Variants in RBFOX1 observed in about 807,000 individuals in gnomAD.
The protein encoded by RBFOX1 is RNA binding fox-1 homolog 1, also known as RNA binding protein fox-1 homolog 1.
In RBFOX1, 8 loss-of-function variants were observed where a neutral mutation model predicts 57.7. The observed-to-expected ratio is 0.14, with a 90% CI of 0.08 to 0.25. The LOEUF (loss-of-function observed/expected upper bound fraction) is 0.25, where lower values mean the gene tolerates loss of function less well. Among genes scored for constraint, RBFOX1 ranks in the 10% least tolerant of loss-of-function variants. RBFOX1 has a pLI of 1.00. For synonymous variants in RBFOX1, 326 were observed against 222.4 expected (o/e 1.47, Z -4.15); for missense variants, 611 against 548.5 (o/e 1.11, Z -1.14).
intron 5 of RBFOX1, among the ~76,000 whole-genome samples, chr16:7,522,878 C>T (rs532701591): frequency 3.3e-5 from 5 of 152,128 alleles, no homozygotes; most frequent in Admixed American, 6.5e-5. Context: ...TTAAAGTATA[C>T]ACTTTGATAC....
At chr16:6,966,883 C>G (rs1048245467) in intron 3 of RBFOX1, among the ~76,000 whole-genome samples, 2 of 138,598 alleles carry the variant, frequency 1.4e-5, no homozygotes, top group African/African-American at 5.5e-5. Flanking sequence ...ATGTATCCAT[C>G]TATTCATCTC....
intron 3 of RBFOX1, among the ~76,000 whole-genome samples, chr16:6,963,479 G>T (rs1214555387): frequency 6.6e-6 from 1 of 152,154 alleles, no homozygotes; most frequent in Admixed American, 6.5e-5. Context: ...CCACTGGTCA[G>T]TAATGAGATA....
intron 11 of RBFOX1, among the ~76,000 whole-genome samples, chr16:7,639,868 A>C (rs554529421): frequency 6.6e-6 from 1 of 152,300 alleles, no homozygotes; most frequent in South Asian, 2.1e-4. Context: ...CACCTCAATC[A>C]TAGCACTTAT....
intron 2 of RBFOX1, among the ~76,000 whole-genome samples, chr16:5,596,853 C>T (rs961096815): frequency 4.0e-5 from 6 of 151,724 alleles, no homozygotes; most frequent in Non-Finnish European, 5.9e-5. Flanking sequence ...TTTAGACAGT[C>T]GCTGGAAGCA....
At chr16:6,890,297 T>C (rs796915629) in intron 3 of RBFOX1, among the ~76,000 whole-genome samples, 6 of 152,212 alleles carry the variant, frequency 3.9e-5, no homozygotes, top group African/African-American at 1.4e-4. Context: ...GGCAGGTGGA[T>C]TGCTTGAGGT....
chr16:5,326,878 C>T (rs187107521), intron 1 of RBFOX1, among the ~76,000 whole-genome samples: 5 of 152,274 alleles, frequency 3.3e-5, no homozygotes, highest in Non-Finnish European at 5.9e-5. Context: ...AAGCCCAGCA[C>T]GAGCTCAGGA....
At chr16:5,461,266 G>C (rs1313402498) in intron 1 of RBFOX1, among the ~76,000 whole-genome samples, 2 of 152,192 alleles carry the variant, frequency 1.3e-5, no homozygotes, top group African/African-American at 4.8e-5. Context: ...GAGTTCACTG[G>C]TTTATTAATT....
At chr16:6,545,129 A>G (rs2096877293) in intron 2 of RBFOX1, among the ~76,000 whole-genome samples, 1 of 152,160 alleles carries the variant, frequency 6.6e-6, no homozygotes, top group Non-Finnish European at 1.5e-5. Context: ...AAATCCGCGT[A>G]CTTTTTCCCT....
At chr16:5,372,733 A>G (rs973902726) in intron 1 of RBFOX1, among the ~76,000 whole-genome samples, 2 of 152,174 alleles carry the variant, frequency 1.3e-5, no homozygotes, top group African/African-American at 4.8e-5. Flanking sequence ...TTCCCCTGAG[A>G]TTGAGATAAA....
chr16:7,487,025 G>A (rs772640650), intron 4 of RBFOX1, among the ~76,000 whole-genome samples: 6 of 152,080 alleles, frequency 3.9e-5, no homozygotes, highest in African/African-American at 7.2e-5. Flanking sequence ...TCAGCCTCCC[G>A]AGTAGCTGAG....
intron 1 of RBFOX1, among the ~76,000 whole-genome samples, chr16:5,450,710 A>T (rs2068397669): frequency 6.6e-6 from 1 of 152,072 alleles, no homozygotes; most frequent in Non-Finnish European, 1.5e-5. Context: ...TCCGTGCTGG[A>T]ATTCGGCTCT....
At chr16:6,385,211 C>A (rs530406842) in intron 2 of RBFOX1, among the ~76,000 whole-genome samples, 2 of 152,242 alleles carry the variant, frequency 1.3e-5, no homozygotes, top group Admixed American at 6.5e-5. Flanking sequence ...CAAGCTTTTT[C>A]GTATTTAAAT....
At chr16:5,432,568 T>G (rs952572699) in intron 1 of RBFOX1, among the ~76,000 whole-genome samples, 3 of 148,822 alleles carry the variant, frequency 2.0e-5, no homozygotes, top group African/African-American at 7.4e-5. Context: ...TGTTTTTTTT[T>G]TTTTTTGGTT....
At chr16:7,552,993 C>G (rs959874382) in intron 5 of RBFOX1, among the ~76,000 whole-genome samples, 4 of 151,838 alleles carry the variant, frequency 2.6e-5, no homozygotes, top group African/African-American at 9.7e-5. Context: ...TAATTTGACA[C>G]TCTTAAGCAT....
At chr16:7,553,995 G>A (rs773181326) in intron 5 of RBFOX1, among the ~76,000 whole-genome samples, 5 of 152,140 alleles carry the variant, frequency 3.3e-5, no homozygotes, top group African/African-American at 7.2e-5. Flanking sequence ...TGTAACCCAA[G>A]CACTTTGGGA....
At chr16:6,027,272 C>T (rs1417555917) in intron 1 of RBFOX1, among the ~76,000 whole-genome samples, 24 of 152,140 alleles carry the variant, frequency 1.6e-4, no homozygotes. Context: ...TACCACTTGA[C>T]AGATGAAGGA....
intron 5 of RBFOX1, among the ~76,000 whole-genome samples, chr16:7,546,088 G>T (rs941461606): frequency 6.6e-6 from 1 of 151,370 alleles, no homozygotes; most frequent in Admixed American, 6.6e-5. Context: ...GCACTTTGGG[G>T]GACAGAGGCA....
chr16:6,586,697 A>G (rs953465462), intron 2 of RBFOX1, among the ~76,000 whole-genome samples: 15 of 152,140 alleles, frequency 9.9e-5, no homozygotes, highest in African/African-American at 2.9e-4. Flanking sequence ...ATACGCTTAC[A>G]TCATCCCAGC....
chr16:5,777,915 C>T (rs190582458), intron 3 of RBFOX1, among the ~76,000 whole-genome samples: 2 of 152,260 alleles, frequency 1.3e-5, no homozygotes, highest in South Asian at 2.1e-4. Context: ...TTTTCAAGGG[C>T]TTGCTTTTAT....
Sources: gnomAD v4.1 joint callset for allele counts (sites outside exome capture counted in the v4.1 genomes callset) on GRCh38, gnomAD v4.1.1 for gene constraint, MANE v1.5 for transcripts, NCBI Gene and HGNC (gene_info 2026-07-23, HGNC 2026-07-21) for gene names.